The following M1AP variants were observed in gnomAD, a reference collection of about 807,000 sequenced individuals.
M1AP encodes the protein meiosis 1 associated protein.
Under a neutral mutation model 51.2 loss-of-function variants are expected in M1AP, and 39 were observed. The observed-to-expected ratio is 0.76, with a 90% CI of 0.59 to 1.00. The LOEUF is 1.00. M1AP is among the 50% of genes least tolerant of loss of function. The pLI, the probability that M1AP is intolerant of heterozygous loss-of-function variation, is 0.00. For synonymous variants in M1AP, 251 were observed against 249.2 expected, an observed-to-expected ratio of 1.01 and a Z score of -0.07; for missense variants, 545 against 641.2, an observed-to-expected ratio of 0.85 and a Z score of 1.62.
intron 2 of M1AP, 114 bp downstream of exon 2, chr2:74,639,922 G>T: frequency 1.1e-6 from 1 of 903,454 alleles, no homozygotes; most frequent in Admixed American, 2.1e-5. Flanking sequence ...GCTACTGTGT[G>T]TGGAGAAGTA....
At chr2:74,640,844 T>C (rs540152654) in intron 1 of M1AP, among the ~76,000 whole-genome samples, 4 of 152,228 alleles carry the variant, frequency 2.6e-5, no homozygotes, top group Admixed American at 6.5e-5. Context: ...TGAGTGGAAC[T>C]AATCAAAAGT....
In M1AP at chr2:74,562,225, T is replaced by G. The variant is rs1678065014; in HGVS notation, c.1273A>C (p.Asn425His). ...ATCTGGGCTCCACTTGCCTCCACAT[T>G]CTTAAGGCTATCATCATGTGGGTCC... ...PEDPHDDSLK[N>H]VESMLDSLEL... The change falls in exon 8 of 11, where the codon AAT (asparagine) becomes CAT (histidine). Residue 425 changes from asparagine to histidine, a missense_variant. By Grantham distance (68) the Asn-to-His change is moderately conservative. Transcript: ENST00000421985. 6.2e-7 allele frequency: 1 copy of G among 1,611,512 alleles called. No individual in the cohort carries two copies. The highest frequency in any genetic ancestry group is 1.3e-5 in the African/African-American group (1 of 75,026).
In M1AP at chr2:74,575,580, C is replaced by T. The variant is rs775194157; in HGVS notation, c.933-1G>A. On this transcript the variant is annotated splice_acceptor_variant, in intron 6 of 10. Transcript: ENST00000421985. LOFTEE classifies it high-confidence loss of function. ...GCAGAGCCCGCTAGATTTTAAAGCC[C>T]TAGGAAGAGATAATTACAGTCAAAG... 1.7e-5 allele frequency: 27 copies of T among 1,612,670 alleles called. No individual in the cohort carries two copies. The highest frequency in any genetic ancestry group is 2.3e-5 in the Non-Finnish European group (27 of 1,179,110).
intron 1 of M1AP, 42 bp downstream of exon 1, chr2:74,648,223 C>A (rs1683719176): frequency 1.0e-6 from 1 of 969,124 alleles, no homozygotes; most frequent in Non-Finnish European, 1.2e-6. Flanking sequence ...GTGCCGGCTG[C>A]TCTCGGGCTG....
chr2:74,645,708 A>T (rs1019221417), intron 1 of M1AP, among the ~76,000 whole-genome samples: 2 of 152,200 alleles, frequency 1.3e-5, no homozygotes, highest in Non-Finnish European at 2.9e-5. Flanking sequence ...TGACTGCTGA[A>T]CTACCTCTGA....
At chr2:74,588,952 A>G (rs1679877196) in intron 4 of M1AP, among the ~76,000 whole-genome samples, 1 of 152,236 alleles carries the variant, frequency 6.6e-6, no homozygotes, top group Non-Finnish European at 1.5e-5. Context: ...CAAATTGCCT[A>G]CTTTCGTGGC....
intron 4 of M1AP, among the ~76,000 whole-genome samples, chr2:74,600,749 T>C (rs1680627415): frequency 6.6e-6 from 1 of 152,160 alleles, no homozygotes; most frequent in Admixed American, 6.5e-5. Flanking sequence ...AATATTATGT[T>C]ACATGAAAAC....
intron 4 of M1AP, among the ~76,000 whole-genome samples, chr2:74,603,412 G>A (rs1224328141): frequency 2.0e-5 from 3 of 152,206 alleles, no homozygotes; most frequent in Non-Finnish European, 4.4e-5. Context: ...AATGGTGAAC[G>A]ATTCTACATG....
At position 74,562,333 on chromosome 2, in the gene M1AP, G is replaced by C. The variant is rs756858175; in HGVS notation, c.1165C>G (p.Pro389Ala). Residue 389 changes from proline (P) to alanine (A), a missense_variant, in exon 8 of 11, where the codon CCG (proline) becomes GCG (alanine). Coordinates refer to ENST00000421985, the MANE Select transcript of M1AP (RefSeq NM_001321739.2). ...ACCAGCAGTGTGAGGGAGTGTGACG[G>C]CATGATCACATAGAAGGTGCTGGCA... ...IPASTFYVIM[P>A]SHSLTLLVKA... is the part of the protein sequence containing the mutation. 3.1e-6 allele frequency: 5 copies of C among 1,614,248 alleles called. No individual in the cohort carries two copies. The Admixed American group carries it at 8.3e-5, about 27-fold the overall frequency.
chr2:74,565,018 T>C (rs1404260391), intron 7 of M1AP, among the ~76,000 whole-genome samples: 1 of 152,170 alleles, frequency 6.6e-6, no homozygotes, highest in Non-Finnish European at 1.5e-5. Flanking sequence ...GTTAGGAGTT[T>C]GAGACCAGTC....
intron 4 of M1AP, among the ~76,000 whole-genome samples, chr2:74,585,809 A>T (rs1186178905): frequency 6.6e-6 from 1 of 152,172 alleles, no homozygotes; most frequent in East Asian, 1.9e-4. Flanking sequence ...CATTCTAGGA[A>T]TTCATTTCCT....
chr2:74,584,068 T>A (rs933010563), intron 4 of M1AP, among the ~76,000 whole-genome samples: 2 of 152,222 alleles, frequency 1.3e-5, no homozygotes, highest in African/African-American at 4.8e-5. Flanking sequence ...TGCCTCATTA[T>A]GTTTTAGGGT....
At chr2:74,614,135 A>G (rs756073955) in intron 3 of M1AP, among the ~76,000 whole-genome samples, 5 of 152,210 alleles carry the variant, frequency 3.3e-5, no homozygotes, top group Admixed American at 6.5e-5. Context: ...AGCAATGTCA[A>G]TGACAGTTTC....
chr2:74,624,521 T>C (rs1682262001), intron 2 of M1AP, among the ~76,000 whole-genome samples: 2 of 152,162 alleles, frequency 1.3e-5, no homozygotes, highest in South Asian at 4.1e-4. Context: ...CAGAATGCAG[T>C]TTAGGGAGGG....
intron 7 of M1AP, among the ~76,000 whole-genome samples, chr2:74,570,577 C>T (rs1678673452): frequency 6.6e-6 from 1 of 152,140 alleles, no homozygotes; most frequent in Non-Finnish European, 1.5e-5. Context: ...GTGGAAGAAA[C>T]TAGAGAGCTC....
At chr2:74,561,226 GAGGAGA>G (rs1677974792) in intron 8 of M1AP, among the ~76,000 whole-genome samples, 21 of 134,676 alleles carry the variant, frequency 1.6e-4, no homozygotes, top group African/African-American at 5.8e-4. Flanking sequence ...GAAGGAGGAG[GAGGAGA>G]AGGAGGAGGA....
intron 8 of M1AP, chr2:74,561,857 C>G (rs1173000668): frequency 1.0e-6 from 1 of 982,610 alleles, no homozygotes; most frequent in Non-Finnish European, 1.2e-6. Context: ...TGTGATGCTC[C>G]CTTTTCTCCT....
chr2:74,605,898 C>A (rs1212683927), intron 4 of M1AP, among the ~76,000 whole-genome samples: 1 of 148,106 alleles, frequency 6.8e-6, no homozygotes, highest in Non-Finnish European at 1.5e-5. Context: ...GAGACTCCAT[C>A]TCAAAAAAAA....
intron 5 of M1AP, chr2:74,577,008 T>C (rs1679115745): frequency 4.8e-6 from 3 of 627,528 alleles, no homozygotes; most frequent in Non-Finnish European, 6.1e-6. Flanking sequence ...CAGAGGCCCT[T>C]TGGCAATCAC....
Sources: gnomAD v4.1 joint callset for allele counts (sites outside exome capture counted in the v4.1 genomes callset) on GRCh38, gnomAD v4.1.1 for gene constraint, MANE v1.5 for transcripts, NCBI Gene and HGNC (gene_info 2026-07-23, HGNC 2026-07-21) for gene names.